Variants in NR5A2 observed in about 807,000 individuals in gnomAD.
The protein encoded by NR5A2 is CYP7A promoter-binding factor.
In NR5A2, 26 loss-of-function variants were observed where a neutral mutation model predicts 62.7. That is an observed-to-expected ratio of 0.41 (90% CI 0.30 to 0.58). The LOEUF (loss-of-function observed/expected upper bound fraction) is 0.58, where lower values mean the gene tolerates loss of function less well. NR5A2 is among the 20% of genes least tolerant of loss of function. NR5A2 has a pLI of 0.22. For missense variants in NR5A2, 541 were observed against 669.1 expected, an observed-to-expected ratio of 0.81 and a Z score of 2.11; for synonymous variants, 246 against 241.7, an observed-to-expected ratio of 1.02 and a Z score of -0.16.
At chr1:200,051,218 C>T (rs949847771) in intron 5 of NR5A2, among the ~76,000 whole-genome samples, 5 of 151,782 alleles carry the variant, frequency 3.3e-5, no homozygotes, top group Admixed American at 6.6e-5. Flanking sequence ...TAAAGACAGC[C>T]GCAGAGAATA....
Position 200,039,930 on chromosome 1 carries a change from C to A in NR5A2, c.202+135C>A, listed in dbSNP as rs1344942410. ...GCGCTCGCAGCCGCGGGAGTCAAGC[C>A]CCCTCCCCAGGTGCAGGCATAAAAG... is the stretch of plus-strand genomic sequence containing the variant. On this transcript the variant is annotated intron_variant, in intron 2 of 7. Coordinates refer to ENST00000367362, the MANE Select transcript of NR5A2 (RefSeq NM_205860.3). The surrounding 1 kb of genome is among the most constrained non-coding windows in gnomAD (Gnocchi z 5.1). 1.8e-5 allele frequency: 17 copies of A among 954,896 alleles called. No homozygotes were observed. Among genetic ancestry groups the A allele is most frequent in the Non-Finnish European group, 2.2e-5 (15 of 680,006 alleles). The allele number at this position is 954,896 out of a possible 1,614,324, so 59.2% of individuals were successfully genotyped here. A position where few individuals can be genotyped will look rare whatever the true frequency, so the allele number is the denominator to read the frequency against.
At chr1:200,079,534 G>C (rs2821311) in intron 5 of NR5A2, among the ~76,000 whole-genome samples, 75,086 of 152,122 alleles carry the variant, frequency 0.49, 18,583 homozygotes, top group African/African-American at 0.53. Flanking sequence ...ATATGGGCCT[G>C]GGGCCTAAAA....
chr1:200,074,407 AAAAAAAAAAG>A (rs1403178823), intron 5 of NR5A2, among the ~76,000 whole-genome samples: 6 of 143,668 alleles, frequency 4.2e-5, no homozygotes, highest in African/African-American at 1.4e-4. Flanking sequence ...AAAAGAAAAG[AAAAAAAAAAG>A]AAAAAAAAAC....
At chr1:200,077,611 G>A (rs1339479577) in intron 5 of NR5A2, among the ~76,000 whole-genome samples, 2 of 152,198 alleles carry the variant, frequency 1.3e-5, no homozygotes. Flanking sequence ...CTACTCGGGA[G>A]GCTGAGGCAG....
chr1:200,158,003 C>G (rs1163372268), intron 7 of NR5A2, among the ~76,000 whole-genome samples: 1 of 152,138 alleles, frequency 6.6e-6, no homozygotes, highest in Non-Finnish European at 1.5e-5. Context: ...AGTAACAGTT[C>G]TCATATGGGC....
At chr1:200,083,967 A>AAAT (rs149200240) in intron 5 of NR5A2, among the ~76,000 whole-genome samples, 11,527 of 142,598 alleles carry the variant, frequency 0.081, 465 homozygotes, top group Middle Eastern at 0.097. Context: ...CTCCATCTCA[A>AAAT]AATAATAATA....
intron 1 of NR5A2, among the ~76,000 whole-genome samples, chr1:200,034,936 G>T (rs986355901): frequency 1.3e-5 from 2 of 151,946 alleles, no homozygotes; most frequent in Non-Finnish European, 2.9e-5. Flanking sequence ...AATACAAAGC[G>T]CTCGGGATGA....
chr1:200,049,088 A>G (rs905952159), intron 5 of NR5A2, among the ~76,000 whole-genome samples: 2 of 152,118 alleles, frequency 1.3e-5, no homozygotes, highest in African/African-American at 2.4e-5. Context: ...AAATAGTAGA[A>G]TATCTGTATT....
intron 5 of NR5A2, among the ~76,000 whole-genome samples, chr1:200,099,364 T>C (rs938713999): frequency 6.6e-6 from 1 of 152,026 alleles, no homozygotes; most frequent in Non-Finnish European, 1.5e-5. Context: ...TTTCCTGGCT[T>C]TGTAAAGCAA....
chr1:200,108,512 A>G (rs1474772436), intron 5 of NR5A2, among the ~76,000 whole-genome samples: 1 of 152,214 alleles, frequency 6.6e-6, no homozygotes, highest in Non-Finnish European at 1.5e-5. Flanking sequence ...TTAAGCTGGA[A>G]TCCTTTTTAG....
At chr1:200,113,157 G>C (rs1408440954) in intron 6 of NR5A2, among the ~76,000 whole-genome samples, 2 of 152,168 alleles carry the variant, frequency 1.3e-5, no homozygotes, top group African/African-American at 2.4e-5. Flanking sequence ...ACTGAATGAG[G>C]AACTCCATGG....
In NR5A2 at chr1:200,029,363, C is replaced by T. The variant is rs2816950; in HGVS notation, c.64+1452C>T. 1.5e-3 allele frequency: 253 copies of T among 165,960 alleles called. 3 individuals carry two copies. Among genetic ancestry groups the T allele is most frequent in the Non-Finnish European group, 2.5e-4 (20 of 79,170 alleles). 10.3% of individuals were successfully genotyped at this position (165,960 alleles called of 1,614,324 possible). Reference sequence around the variant, plus strand: ...CGCCGATCCCTCACAGTCTCCCCCACACCCCATGGGTGAATTAAAGAGGGT... The same window carrying T: ...CGCCGATCCCTCACAGTCTCCCCCATACCCCATGGGTGAATTAAAGAGGGT... On this transcript the variant is annotated intron_variant, in intron 1 of 7. Transcript: ENST00000367362.
chr1:200,166,804 T>C (rs1275371963), intron 7 of NR5A2, among the ~76,000 whole-genome samples: 2 of 152,214 alleles, frequency 1.3e-5, no homozygotes, highest in Non-Finnish European at 2.9e-5. Flanking sequence ...AGCCTCTGTT[T>C]TTCCACTGGG....
intron 7 of NR5A2, among the ~76,000 whole-genome samples, chr1:200,159,602 C>T (rs988304100): frequency 5.3e-5 from 8 of 151,824 alleles, no homozygotes; most frequent in Non-Finnish European, 7.4e-5. Flanking sequence ...TGAATGCTTT[C>T]GTTCAACATT....
At chr1:200,164,749 T>C (rs1169181460) in intron 7 of NR5A2, among the ~76,000 whole-genome samples, 2 of 151,860 alleles carry the variant, frequency 1.3e-5, no homozygotes, top group South Asian at 2.1e-4. Flanking sequence ...AGTTTCTACA[T>C]GTTGGCCAGG....
At chr1:200,170,316 T>C (rs2246919) in intron 7 of NR5A2, among the ~76,000 whole-genome samples, 54,821 of 151,988 alleles carry the variant, frequency 0.36, 10,496 homozygotes, top group African/African-American at 0.49. Context: ...AAACATGCTT[T>C]CCCTTTCCAT....
chr1:200,033,356 T>C (rs992451574), intron 1 of NR5A2, among the ~76,000 whole-genome samples: 7 of 152,032 alleles, frequency 4.6e-5, no homozygotes, highest in Non-Finnish European at 8.8e-5. Flanking sequence ...AAACATACTG[T>C]TGTACCATGA....
chr1:200,169,250 T>C (rs1023728013), intron 7 of NR5A2, among the ~76,000 whole-genome samples: 1 of 151,978 alleles, frequency 6.6e-6, no homozygotes, highest in Non-Finnish European at 1.5e-5. Flanking sequence ...TAGTAATTTT[T>C]AAAAAATAAA....
At chr1:200,033,672 ATC>A (rs146591774) in intron 1 of NR5A2, among the ~76,000 whole-genome samples, 2,114 of 152,282 alleles carry the variant, frequency 0.014, 51 homozygotes, top group African/African-American at 0.044. Context: ...AAACAAGTGA[ATC>A]TCTCTCAAGC....
Sources: allele counts gnomAD v4.1 joint callset (sites outside exome capture counted in the v4.1 genomes callset), GRCh38; gene constraint gnomAD v4.1.1; non-coding constraint Gnocchi (gnomAD v3.1); transcripts MANE v1.5; gene names NCBI Gene and HGNC (gene_info 2026-07-23, HGNC 2026-07-21).